TAF1: variants seen among roughly 807,000 people sequenced by gnomAD.
The protein encoded by TAF1 is TATA-box binding protein associated factor 1, also known as transcription initiation factor TFIID subunit 1.
In TAF1, 2 loss-of-function variants were observed where a neutral mutation model predicts 138.5. That is an observed-to-expected ratio of 0.01 (90% CI 0.01 to 0.05). TAF1 has a LOEUF of 0.05. Ranked by LOEUF, TAF1 falls within the 10% of genes least tolerant of loss-of-function variation. The pLI, the probability that TAF1 is intolerant of heterozygous loss-of-function variation, is 1.00. For synonymous variants in TAF1, 437 were observed against 503.2 expected, an observed-to-expected ratio of 0.87 and a Z score of 1.76; for missense variants, 709 against 1,478.0, an observed-to-expected ratio of 0.48 and a Z score of 8.53.
intron 13 of TAF1, among the ~76,000 whole-genome samples, chrX:71,480,317 C>G (rs1270977699): frequency 9.0e-6 from 1 of 111,401 alleles, no homozygotes; most frequent in Non-Finnish European, 1.9e-5. Flanking sequence ...ATCCCTTGAG[C>G]CCAGGAGTTT....
At chrX:71,378,763 G>T in intron 7 of TAF1, 61 bp from the exon 8 acceptor site, 1 of 1,099,307 alleles carries the variant, frequency 9.1e-7, no homozygotes, top group Non-Finnish European at 1.3e-6. Context: ...TGTGGAATTT[G>T]GAGTGGAAAC....
chrX:71,456,649 C>CTTTTTTTTTTTTTTTTT lies in TAF1; in HGVS notation c.4939-1565_4939-1549dup, dbSNP rs776321706. ...ATGGTGGTGGTCAATAATGTATTTT[C>CTTTTTTTTTTTTTTTTT]TTTTTTTTTTTTTTTTTTTTTTTTT... On this transcript the variant is annotated intron_variant, in intron 34 of 37. Transcript: ENST00000423759. Among the ~76,000 whole-genome samples the CTTTTTTTTTTTTTTTTT allele has an allele frequency of 2.6e-4, 7 of 26,828 alleles. 1 individual carries two copies. Among genetic ancestry groups the CTTTTTTTTTTTTTTTTT allele is most frequent in the African/African-American group, 3.2e-4 (2 of 6,186 alleles). The allele number at this position is 26,828 out of a possible 115,157, so 23.3% of individuals were successfully genotyped here.
At chrX:71,384,907 T>TA (rs1164674464) in intron 13 of TAF1, 38 bp from the exon 14 acceptor site, 3 of 1,014,246 alleles carry the variant, frequency 3.0e-6, no homozygotes, top group Admixed American at 4.7e-5. Context: ...GGATTATTGA[T>TA]ATATTCTAAA....
intron 28 of TAF1, among the ~76,000 whole-genome samples, chrX:71,408,591 G>A (rs1238687843): frequency 8.9e-6 from 1 of 111,742 alleles, no homozygotes; most frequent in East Asian, 2.8e-4. Context: ...ACAGGTGTGA[G>A]CCACTGCGCC....
intron 32 of TAF1, among the ~76,000 whole-genome samples, chrX:71,432,118 T>C (rs757575533): frequency 9.0e-6 from 1 of 110,503 alleles, no homozygotes; most frequent in African/African-American, 3.3e-5. Flanking sequence ...AAAGCCAGAC[T>C]GTAGGGGTTG....
intron 13 of TAF1, among the ~76,000 whole-genome samples, chrX:71,475,498 T>C (rs1318819881): frequency 3.8e-5 from 4 of 104,469 alleles, no homozygotes; most frequent in Non-Finnish European, 7.7e-5. Flanking sequence ...GGCAGGAGAA[T>C]CACTTGAGCC....
At chrX:71,431,003 A>ATTTT (rs41481947) in intron 32 of TAF1, among the ~76,000 whole-genome samples, 1 of 68,595 alleles carries the variant, frequency 1.5e-5, no homozygotes, top group Admixed American at 1.9e-4. Flanking sequence ...GCTCAGAAGA[A>ATTTT]TTTTTTTTTT....
chrX:71,478,817 T>G (rs994356179), intron 13 of TAF1, among the ~76,000 whole-genome samples: 1 of 112,513 alleles, frequency 8.9e-6, no homozygotes, highest in Admixed American at 9.4e-5. Context: ...AAAACAGGAA[T>G]AGCCAATAAA....
intron 13 of TAF1, among the ~76,000 whole-genome samples, chrX:71,478,647 G>A (rs1231009424): frequency 9.0e-6 from 1 of 111,611 alleles, no homozygotes; most frequent in Non-Finnish European, 1.9e-5. Context: ...TTGAGTCCAC[G>A]AGTTTGAGAC....
At chrX:71,384,815 A>C (rs888158479) in intron 13 of TAF1, 130 bp from the exon 14 acceptor site, 1 of 482,221 alleles carries the variant, frequency 2.1e-6, no homozygotes, top group African/African-American at 2.4e-5. Flanking sequence ...CTATTCCAAA[A>C]TCCGAAACAC....
In TAF1 at chrX:71,525,024, T is replaced by C. The variant is rs1010220751; in HGVS notation, c.1367-3518T>C. Among the ~76,000 whole-genome samples the C allele has an allele frequency of 2.7e-5, 3 of 110,813 alleles. No homozygotes were observed. In the Admixed American group the frequency reaches 2.9e-4, roughly 11 times the overall value. On this transcript the variant is annotated intron_variant and NMD_transcript_variant, in intron 13 of 14. Transcript: ENST00000373775. The stretch of plus-strand genomic sequence containing the variant: ...GCCATTAAGTTTGACTTAAGACCTT[T>C]ACCTCTGTGTTTATTTATTTATTTA...
chrX:71,379,105 ATTT>A (rs916740866), intron 8 of TAF1, 74 bp downstream of exon 8: 6,578 of 469,494 alleles, frequency 0.014, no homozygotes, highest in Middle Eastern at 0.018. Flanking sequence ...CTCAGCTGTG[ATTT>A]TTTTTTTTTT....
chrX:71,476,313 G>A (rs777191850), intron 13 of TAF1, among the ~76,000 whole-genome samples: 13 of 110,991 alleles, frequency 1.2e-4, no homozygotes, highest in Middle Eastern at 4.6e-3. Flanking sequence ...ACAGGGTGAG[G>A]GAACTGGAAC....
At chrX:71,421,413 TGAA>T in intron 29 of TAF1, 37 bp downstream of exon 29, 1 of 922,876 alleles carries the variant, frequency 1.1e-6, no homozygotes, top group Non-Finnish European at 1.5e-6. Flanking sequence ...CAGTGGAATT[TGAA>T]GGTGGGGGTG....
At position 71,378,302 on chromosome X, in the gene TAF1, A is replaced by T; in HGVS notation, c.1001A>T (p.Asp334Val). 3.3e-6 allele frequency: 4 copies of T among 1,211,931 alleles called. No individual in the cohort carries two copies. The highest frequency in any genetic ancestry group is 4.5e-6 in the Non-Finnish European group (4 of 895,594). The stretch of plus-strand genomic sequence containing the variant: ...ACTGGAGATATAGATAAAGTGACAG[A>T]TACCAAACCAAGAGTGGCTGAGTGG... ...QSTGDIDKVT[D>V]TKPRVAEWRY... The change falls in exon 7 of 38, where the codon GAT becomes GTT. Residue 334 changes from aspartate to valine, a missense_variant. Physicochemically the swap from Asp to Val is radical, Grantham distance 152. Transcript: ENST00000423759.
At chrX:71,506,147 C>G in intron 13 of TAF1, among the ~76,000 whole-genome samples, 1 of 108,876 alleles carries the variant, frequency 9.2e-6, no homozygotes, top group Non-Finnish European at 1.9e-5. Flanking sequence ...TTGCAGTGAG[C>G]CGAGACCACG....
At chrX:71,470,923 G>A (rs1251105275), downstream of TAF1, among the ~76,000 whole-genome samples, 1 of 109,157 alleles carries the variant, frequency 9.2e-6, no homozygotes, top group Non-Finnish European at 1.9e-5. Flanking sequence ...GGAGGCTGAG[G>A]TGGGAGGATT....
intron 13 of TAF1, among the ~76,000 whole-genome samples, chrX:71,522,775 T>C (rs1187987221): frequency 4.5e-5 from 3 of 67,268 alleles, no homozygotes; most frequent in African/African-American, 1.7e-4. Context: ...AAACCTCTGA[T>C]CTATTTATCA....
chrX:71,457,030 A>G (rs778722097), intron 34 of TAF1, among the ~76,000 whole-genome samples: 4 of 111,634 alleles, frequency 3.6e-5, no homozygotes, highest in Non-Finnish European at 7.5e-5. Context: ...GTTCAGCTTA[A>G]CACCTTATCT....
Sources: allele counts gnomAD v4.1 joint callset (sites outside exome capture counted in the v4.1 genomes callset), GRCh38; gene constraint gnomAD v4.1.1; transcripts MANE v1.5; gene names NCBI Gene and HGNC (gene_info 2026-07-23, HGNC 2026-07-21).